MIB1: variants seen among roughly 807,000 people sequenced by gnomAD.
The protein encoded by MIB1 is MIB E3 ubiquitin protein ligase 1.
Under a neutral mutation model 124.5 loss-of-function variants are expected in MIB1, and 278 were observed. The ratio of observed to expected loss-of-function variants is 2.23; its 90% CI spans 2.02 to 2.47. The LOEUF (loss-of-function observed/expected upper bound fraction) is 2.47. Ranked by LOEUF, MIB1 falls within the 30% of genes most tolerant of loss-of-function variation. The probability of loss-of-function intolerance (pLI) is 0.00; values close to 1 mark genes in which losing one functional copy is unlikely to be tolerated. For synonymous variants in MIB1, 446 were observed against 429.4 expected, an observed-to-expected ratio of 1.04 and a Z score of -0.48; for missense variants, 957 against 1,254.4, an observed-to-expected ratio of 0.76 and a Z score of 3.58.
At chr18:21,757,076 T>G (rs1226454862) in intron 1 of MIB1, among the ~76,000 whole-genome samples, 1 of 152,124 alleles carries the variant, frequency 6.6e-6, no homozygotes, top group Non-Finnish European at 1.5e-5. Context: ...CTTAATGCAT[T>G]TTCTTAATGC....
chr18:21,798,309 A>G (rs1445983387), intron 8 of MIB1, 81 bp downstream of exon 8: 3 of 1,357,756 alleles, frequency 2.2e-6, no homozygotes, highest in African/African-American at 1.4e-5. Context: ...TCATATACAG[A>G]TAATGTTGTA....
intron 1 of MIB1, among the ~76,000 whole-genome samples, chr18:21,720,298 G>T (rs1239957184): frequency 6.6e-6 from 1 of 152,128 alleles, no homozygotes; most frequent in Admixed American, 6.6e-5. Context: ...AGCTAATGGG[G>T]ACATTTTAAA....
chr18:21,785,650 G>A (rs911291032), intron 6 of MIB1, among the ~76,000 whole-genome samples: 5 of 152,214 alleles, frequency 3.3e-5, no homozygotes, highest in South Asian at 2.1e-4. Flanking sequence ...GTGATTACAC[G>A]TAATTGTAGT....
intron 13 of MIB1, among the ~76,000 whole-genome samples, chr18:21,840,648 TA>T (rs2042076422): frequency 2.8e-3 from 6 of 2,180 alleles, no homozygotes; most frequent in African/African-American, 4.1e-3. Flanking sequence ...TATATATATA[TA>T]TATATATATA....
At chr18:21,750,661 A>G (rs2146386633) in intron 1 of MIB1, among the ~76,000 whole-genome samples, 1 of 151,304 alleles carries the variant, frequency 6.6e-6, no homozygotes, top group South Asian at 2.1e-4. Context: ...ATGGGGTTTC[A>G]CCATGTTGGC....
Position 21,849,216 on chromosome 18 carries a change from G to A in MIB1, c.2414G>A (p.Ser805Asn), listed in dbSNP as rs2042161222. Residue 805 changes from serine to asparagine, a missense_variant, in exon 17 of 21, where the codon AGT (serine) becomes AAT (asparagine). Transcript: ENST00000261537. ...ATTAGTGGTCAAGTGGGTTCTCGGA[G>A]TCCTTCTATGATTAGTAATGATTCT... Reference protein sequence around the residue: ...EKVSGQVGSRSPSMISNDSET... With the variant: ...EKVSGQVGSRNPSMISNDSET... 5.1e-6 allele frequency: 8 copies of A among 1,569,742 alleles called. No homozygotes were observed. Among genetic ancestry groups the A allele is most frequent in the Non-Finnish European group, 6.9e-6 (8 of 1,159,778 alleles).
chr18:21,706,605 A>C (rs942992099), intron 1 of MIB1, among the ~76,000 whole-genome samples: 1 of 151,544 alleles, frequency 6.6e-6, no homozygotes, highest in African/African-American at 2.4e-5. Context: ...CGGGCCCTGC[A>C]CTCTGAGCGC....
chr18:21,825,296 G>A (rs886900680), intron 12 of MIB1, among the ~76,000 whole-genome samples: 3 of 152,040 alleles, frequency 2.0e-5, no homozygotes, highest in African/African-American at 7.2e-5. Flanking sequence ...ATTTAAATAT[G>A]CACACATCCA....
chr18:21,818,662 C>T (rs2041851913), intron 11 of MIB1, among the ~76,000 whole-genome samples: 1 of 152,060 alleles, frequency 6.6e-6, no homozygotes, highest in Non-Finnish European at 1.5e-5. Flanking sequence ...CTTTGCCGGG[C>T]AAGGTGGCTC....
Position 21,818,956 on chromosome 18 carries a change from C to T in MIB1, c.1678-539C>T, listed in dbSNP as rs187803337. 2.4e-4 allele frequency among the ~76,000 whole-genome samples: 36 copies of T among 152,188 alleles called. No homozygotes were observed. In the East Asian group the frequency reaches 4.4e-3, roughly 19 times the overall value. On this transcript the variant is annotated intron_variant, in intron 11 of 20. Transcript: ENST00000261537. ...TCTCAAAAAAAAGAAAAAAAAATTC[C>T]AGCATGCTTATTTTGTTTTCCAACT...
At chr18:21,757,641 C>T (rs1449241193) in intron 1 of MIB1, among the ~76,000 whole-genome samples, 2 of 150,976 alleles carry the variant, frequency 1.3e-5, no homozygotes, top group Admixed American at 6.6e-5. Context: ...CATGCCACCA[C>T]GCCCGGCTGC....
chr18:21,780,371 C>G (rs1435088904), intron 6 of MIB1, among the ~76,000 whole-genome samples: 1 of 152,184 alleles, frequency 6.6e-6, no homozygotes, highest in Non-Finnish European at 1.5e-5. Flanking sequence ...CATTTACCAT[C>G]TCACTCATCC....
chr18:21,716,352 C>A (rs1404560785), intron 1 of MIB1, among the ~76,000 whole-genome samples: 1 of 152,094 alleles, frequency 6.6e-6, no homozygotes, highest in African/African-American at 2.4e-5. Context: ...ACTATAAGAA[C>A]TACTAAAAGG....
intron 11 of MIB1, among the ~76,000 whole-genome samples, chr18:21,818,950 A>T (rs1464419467): frequency 1.3e-5 from 2 of 152,154 alleles, no homozygotes; most frequent in Non-Finnish European, 2.9e-5. Flanking sequence ...AAAGAAAAAA[A>T]AATTCCAGCA....
Position 21,768,719 on chromosome 18 carries a change from A to G in MIB1, c.498A>G (p.Glu166=). The change falls in exon 3 of 21, where the codon GAA becomes GAG. Residue 166 remains glutamate, a synonymous_variant. Transcript: ENST00000261537. Reference sequence around the variant, plus strand: ...TGCGAGGAGTGGACTGGCAGTGGGAAGATCAAGATGGAGGAAATGGACGTA... The same window carrying G: ...TGCGAGGAGTGGACTGGCAGTGGGAGGATCAAGATGGAGGAAATGGACGTA... ...RVVRGVDWQW[E]DQDGGNGRRG... The G allele has an allele frequency of 1.2e-6, 2 of 1,611,312 alleles. No individual in the cohort carries two copies. The highest frequency in any genetic ancestry group is 1.7e-6 in the Non-Finnish European group (2 of 1,178,596).
intron 1 of MIB1, among the ~76,000 whole-genome samples, chr18:21,718,004 A>G (rs1264885540): frequency 6.6e-6 from 1 of 152,248 alleles, no homozygotes; most frequent in Non-Finnish European, 1.5e-5. Context: ...AATGCCCATC[A>G]GTCAGTGAAT....
chr18:21,780,067 A>C (rs1399358536), intron 6 of MIB1, among the ~76,000 whole-genome samples: 1 of 151,978 alleles, frequency 6.6e-6, no homozygotes, highest in African/African-American at 2.4e-5. Flanking sequence ...TTTACATTAA[A>C]ACTCCTTTGG....
intron 2 of MIB1, among the ~76,000 whole-genome samples, chr18:21,767,794 G>C (rs545707074): frequency 7.2e-5 from 11 of 152,250 alleles, no homozygotes; most frequent in African/African-American, 2.4e-4. Context: ...TGATCCACCT[G>C]CCTTGGCCTC....
At chr18:21,857,847 G>A (rs562031957) in intron 19 of MIB1, among the ~76,000 whole-genome samples, 8 of 152,328 alleles carry the variant, frequency 5.3e-5, no homozygotes, top group Admixed American at 3.3e-4. Context: ...CTCTGAACAT[G>A]TTTTATGAGC....
Sources: allele counts gnomAD v4.1 joint callset (sites outside exome capture counted in the v4.1 genomes callset), GRCh38; gene constraint gnomAD v4.1.1; transcripts MANE v1.5; gene names NCBI Gene and HGNC (gene_info 2026-07-23, HGNC 2026-07-21).